TENM4: variants seen among roughly 807,000 people sequenced by gnomAD.
The protein encoded by TENM4 is teneurin transmembrane protein 4.
In TENM4, 82 loss-of-function variants were observed where a neutral mutation model predicts 243.3. The observed-to-expected ratio is 0.34, with a 90% CI of 0.28 to 0.40. The LOEUF (loss-of-function observed/expected upper bound fraction) is 0.40. Among genes scored for constraint, TENM4 ranks in the 10% least tolerant of loss-of-function variants. The probability of loss-of-function intolerance (pLI) is 1.00; values close to 1 mark genes in which losing one functional copy is unlikely to be tolerated. For synonymous variants in TENM4, 1,412 were observed against 1,456.3 expected (o/e 0.97, Z 0.69); for missense variants, 3,138 against 3,673.3 (o/e 0.85, Z 3.77).
chr11:79,233,828 C>A (rs1864413763), intron 2 of TENM4, among the ~76,000 whole-genome samples: 1 of 152,166 alleles, frequency 6.6e-6, no homozygotes, highest in South Asian at 2.1e-4. Flanking sequence ...AAATAGAAGG[C>A]TCTTCTGGCT....
chr11:79,205,325 C>T (rs1018275640), intron 3 of TENM4, among the ~76,000 whole-genome samples: 4 of 152,114 alleles, frequency 2.6e-5, no homozygotes, highest in African/African-American at 4.8e-5. Flanking sequence ...ATTCAAATGT[C>T]CCATTTTACT....
chr11:79,064,976 C>T lies in TENM4; in HGVS notation c.255G>A (p.Leu85=), dbSNP rs1207423719. The T allele has an allele frequency of 1.3e-5, 19 of 1,466,986 alleles. No homozygotes were observed. The Admixed American group carries it at 3.6e-4, about 28-fold the overall frequency. The allele number at this position is 1,466,986 out of a possible 1,614,324, so 90.9% of individuals were successfully genotyped here. The part of the protein sequence containing the change: ...GANFTLRELG[L]EEVTPPHGTL... ...TCCCGTGAGGGGGCGTTACTTCTTC[C>T]AGCCCCAGCTCCCGCAGGGTGAAGT... Residue 85 remains leucine (L), a synonymous_variant, in exon 6 of 34, where the codon CTG becomes CTA. Transcript: ENST00000278550.
Position 78,863,140 on chromosome 11 carries a change from G to A in TENM4, c.1085-8C>T, listed in dbSNP as rs1858866665. 1 of 1,482,304 alleles carries A rather than the reference G, an allele frequency of 6.7e-7. No homozygotes were observed. The highest frequency in any genetic ancestry group is 1.4e-5 in the African/African-American group (1 of 71,504). The allele number at this position is 1,482,304 out of a possible 1,614,324, so 91.8% of individuals were successfully genotyped here. On this transcript the variant is annotated splice_region_variant and splice_polypyrimidine_tract_variant and intron_variant, in intron 9 of 33. Transcript: ENST00000278550. ...GGCCAAACAGGTGCATGGCTGTGGT[G>A]AGCAATGAGAAAAGTCATCTTTTTC...
At chr11:78,690,623 T>C (rs1438670381) in intron 28 of TENM4, among the ~76,000 whole-genome samples, 5 of 152,170 alleles carry the variant, frequency 3.3e-5, no homozygotes, top group Non-Finnish European at 7.4e-5. Context: ...AAGTTGAAGA[T>C]AACAATTTCC....
chr11:78,811,585 C>T (rs1380765517), intron 14 of TENM4, among the ~76,000 whole-genome samples: 2 of 152,080 alleles, frequency 1.3e-5, no homozygotes, highest in Admixed American at 6.5e-5. Flanking sequence ...CACACACACA[C>T]ACACACACAC....
intron 3 of TENM4, among the ~76,000 whole-genome samples, chr11:79,165,047 G>A (rs1410041999): frequency 1.3e-5 from 2 of 151,624 alleles, no homozygotes; most frequent in African/African-American, 4.8e-5. Flanking sequence ...ATTGACTGAT[G>A]AGCATTTGAG....
intron 4 of TENM4, among the ~76,000 whole-genome samples, chr11:79,129,774 C>A (rs994136759): frequency 6.6e-6 from 1 of 152,106 alleles, no homozygotes. Flanking sequence ...TAGCCCTGCC[C>A]CCGACCTGAT....
intron 4 of TENM4, among the ~76,000 whole-genome samples, chr11:79,125,469 T>C (rs1415866594): frequency 6.6e-6 from 1 of 152,176 alleles, no homozygotes; most frequent in African/African-American, 2.4e-5. Flanking sequence ...GTGGCTGACC[T>C]GCAACAAAAG....
intron 6 of TENM4, among the ~76,000 whole-genome samples, chr11:78,975,211 C>CA (rs1328355280): frequency 6.6e-6 from 1 of 151,858 alleles, no homozygotes; most frequent in African/African-American, 2.4e-5. Context: ...CTGGAAGACT[C>CA]ACTGAGCTCC....
chr11:79,047,897 G>T (rs1859697873), intron 6 of TENM4, among the ~76,000 whole-genome samples: 1 of 151,816 alleles, frequency 6.6e-6, no homozygotes, highest in Non-Finnish European at 1.5e-5. Flanking sequence ...CCTGTAATAA[G>T]TACTAAATGA....
intron 4 of TENM4, among the ~76,000 whole-genome samples, chr11:79,102,632 C>T (rs565811160): frequency 2.6e-5 from 4 of 152,190 alleles, no homozygotes; most frequent in Non-Finnish European, 5.9e-5. Context: ...CCGTAAGCAC[C>T]ATGGTCATTG....
intron 6 of TENM4, among the ~76,000 whole-genome samples, chr11:78,943,234 A>T (rs1856941201): frequency 6.6e-6 from 1 of 152,184 alleles, no homozygotes; most frequent in Admixed American, 6.5e-5. Flanking sequence ...GAAGGGGGAG[A>T]TTTCACACCC....
intron 3 of TENM4, among the ~76,000 whole-genome samples, chr11:79,210,772 T>C (rs1863940623): frequency 6.6e-6 from 1 of 152,158 alleles, no homozygotes; most frequent in Admixed American, 6.5e-5. Flanking sequence ...TTCCTCCTCC[T>C]TTTTCTCATT....
At chr11:79,014,923 C>T (rs1858734668) in intron 6 of TENM4, among the ~76,000 whole-genome samples, 1 of 152,220 alleles carries the variant, frequency 6.6e-6, no homozygotes. Flanking sequence ...TGCCCCTGCA[C>T]TAACTTCATT....
chr11:79,129,183 C>T (rs1449199183), intron 4 of TENM4, among the ~76,000 whole-genome samples: 2 of 152,146 alleles, frequency 1.3e-5, no homozygotes, highest in Non-Finnish European at 2.9e-5. Context: ...GAGCAAAATA[C>T]AGGGGTAGAG....
At chr11:78,929,938 G>A (rs1479444680) in intron 6 of TENM4, among the ~76,000 whole-genome samples, 3 of 152,164 alleles carry the variant, frequency 2.0e-5, no homozygotes, top group Non-Finnish European at 2.9e-5. Context: ...ATTGTGGAGT[G>A]GAGGACAGAG....
At chr11:78,874,823 C>T (rs1196792246) in intron 9 of TENM4, among the ~76,000 whole-genome samples, 1 of 152,126 alleles carries the variant, frequency 6.6e-6, no homozygotes, top group East Asian at 1.9e-4. Flanking sequence ...ATGGAGGCCA[C>T]ACTACAATTA....
intron 5 of TENM4, chr11:79,068,231 G>A (rs528690353): frequency 2.0e-5 from 3 of 152,260 alleles, no homozygotes; most frequent in Admixed American, 6.5e-5. Flanking sequence ...AGGTACTGGT[G>A]TCAAGTGTTT....
chr11:78,751,284 G>C lies in TENM4; in HGVS notation c.2756+5521C>G, dbSNP rs567300833. Among the ~76,000 whole-genome samples the C allele has an allele frequency of 1.1e-4, 17 of 152,190 alleles. No individual in the cohort carries two copies. In the East Asian group the frequency reaches 3.1e-3, roughly 28 times the overall value. The stretch of plus-strand genomic sequence containing the variant: ...TAGGATACGATTCTCTGCCTCCTTT[G>C]GGGTAAATTCTCTGGTCACCCATCC... On this transcript the variant is annotated intron_variant, in intron 19 of 33. Coordinates refer to ENST00000278550, the MANE Select transcript of TENM4 (RefSeq NM_001098816.3).
Sources: allele counts gnomAD v4.1 joint callset (sites outside exome capture counted in the v4.1 genomes callset), GRCh38; gene constraint gnomAD v4.1.1; transcripts MANE v1.5; gene names NCBI Gene and HGNC (gene_info 2026-07-23, HGNC 2026-07-21).